The following RPS6KC1 variants were observed in gnomAD, a reference collection of about 807,000 sequenced individuals.
RPS6KC1 encodes ribosomal protein S6 kinase C1.
Under a neutral mutation model 103.8 loss-of-function variants are expected in RPS6KC1, and 54 were observed. That is an observed-to-expected ratio of 0.52 (90% CI 0.42 to 0.65). The LOEUF is 0.65. RPS6KC1 is among the 30% of genes least tolerant of loss of function. RPS6KC1 has a pLI of 0.00. For missense variants in RPS6KC1, 1,151 were observed against 1,253.8 expected (o/e 0.92, Z 1.24); for synonymous variants, 439 against 438.7 (o/e 1.00, Z -0.01).
At chr1:213,213,967 G>T (rs2093587608) in intron 8 of RPS6KC1, among the ~76,000 whole-genome samples, 1 of 152,226 alleles carries the variant, frequency 6.6e-6, no homozygotes, top group African/African-American at 2.4e-5. Flanking sequence ...GAAGACGAAT[G>T]ATTTCTGCAT....
the RPS6KC1 span, among the ~76,000 whole-genome samples, chr1:213,715,936 C>T: frequency 3.9e-5 from 6 of 151,970 alleles, no homozygotes; most frequent in South Asian, 2.1e-4. Context: ...AATATGCAAA[C>T]GTACATGAGA....
intron 6 of RPS6KC1, among the ~76,000 whole-genome samples, chr1:213,164,395 C>T (rs2090763558): frequency 6.6e-6 from 1 of 152,150 alleles, no homozygotes; most frequent in African/African-American, 2.4e-5. Flanking sequence ...ATCTACTCAG[C>T]TACTCCCTAT....
chr1:213,225,797 G>T (rs775843937), intron 8 of RPS6KC1, among the ~76,000 whole-genome samples: 1 of 152,182 alleles, frequency 6.6e-6, no homozygotes, highest in Non-Finnish European at 1.5e-5. Flanking sequence ...CAATTAAGGG[G>T]CTTTTAATAG....
chr1:213,727,012 C>T, the RPS6KC1 span, among the ~76,000 whole-genome samples: 79 of 152,318 alleles, frequency 5.2e-4, no homozygotes, highest in South Asian at 8.9e-3. Context: ...AGCCATGGGG[C>T]GGCTAAAGGG....
At chr1:213,435,199 T>C in the RPS6KC1 span, among the ~76,000 whole-genome samples, 6,728 of 152,312 alleles carry the variant, frequency 0.044, 164 homozygotes, top group African/African-American at 0.06. Context: ...ATCTCAGACA[T>C]TGTAGTTTTC....
the RPS6KC1 span, among the ~76,000 whole-genome samples, chr1:213,503,032 A>G: frequency 6.6e-6 from 1 of 151,808 alleles, no homozygotes; most frequent in Non-Finnish European, 1.5e-5. Flanking sequence ...TCCTTTTTGC[A>G]TATGCTCTAT....
At chr1:213,177,641 C>G (rs1222584358) in intron 8 of RPS6KC1, among the ~76,000 whole-genome samples, 1 of 151,922 alleles carries the variant, frequency 6.6e-6, no homozygotes, top group African/African-American at 2.4e-5. Flanking sequence ...TTTTAAGAGC[C>G]TGAAATATTT....
At chr1:213,469,922 G>A in the RPS6KC1 span, among the ~76,000 whole-genome samples, 1 of 152,102 alleles carries the variant, frequency 6.6e-6, no homozygotes, top group Non-Finnish European at 1.5e-5. Flanking sequence ...ACTCAGAAGG[G>A]TGAGGCAGGA....
At chr1:213,586,058 A>G in the RPS6KC1 span, among the ~76,000 whole-genome samples, 9 of 152,096 alleles carry the variant, frequency 5.9e-5, no homozygotes, top group African/African-American at 1.4e-4. Context: ...CAGGAGACCA[A>G]TCTTTCTTTG....
chr1:213,101,996 G>C (rs1215759726), intron 3 of RPS6KC1, among the ~76,000 whole-genome samples: 1 of 152,168 alleles, frequency 6.6e-6, no homozygotes, highest in Non-Finnish European at 1.5e-5. Context: ...GATAATATTA[G>C]TGATAGGTAA....
intron 2 of RPS6KC1, among the ~76,000 whole-genome samples, chr1:213,074,901 G>A (rs2079184013): frequency 1.6e-5 from 2 of 125,318 alleles, no homozygotes. Flanking sequence ...CACCCAGGCT[G>A]GAGTGCAGTG....
the RPS6KC1 span, among the ~76,000 whole-genome samples, chr1:213,426,383 T>C: frequency 3.9e-5 from 6 of 152,134 alleles, no homozygotes; most frequent in Non-Finnish European, 7.4e-5. Flanking sequence ...CCTCGGGGAC[T>C]GGGGTGGCAC....
intron 12 of RPS6KC1, among the ~76,000 whole-genome samples, chr1:213,243,072 T>C (rs2094391467): frequency 6.6e-6 from 1 of 152,124 alleles, no homozygotes. Flanking sequence ...TATGTCTCAC[T>C]GCAGCCTCCC....
the RPS6KC1 span, among the ~76,000 whole-genome samples, chr1:213,337,261 C>T: frequency 6.6e-6 from 1 of 152,222 alleles, no homozygotes; most frequent in Non-Finnish European, 1.5e-5. Flanking sequence ...TCTCACTCAG[C>T]CAGCCTGCAT....
At chr1:213,267,489 CAGTGA>C (rs1268544097) in intron 14 of RPS6KC1, among the ~76,000 whole-genome samples, 5 of 151,814 alleles carry the variant, frequency 3.3e-5, no homozygotes, top group Non-Finnish European at 7.4e-5. Flanking sequence ...GTCCTGTTTT[CAGTGA>C]AGTGTAGTGT....
At chr1:213,834,920 C>A in the RPS6KC1 span, among the ~76,000 whole-genome samples, 2 of 152,160 alleles carry the variant, frequency 1.3e-5, no homozygotes, top group African/African-American at 4.8e-5. Flanking sequence ...AAGACAAAGT[C>A]TCTCATTGAC....
At chr1:213,697,044 A>G in the RPS6KC1 span, among the ~76,000 whole-genome samples, 2 of 152,198 alleles carry the variant, frequency 1.3e-5, no homozygotes, top group African/African-American at 4.8e-5. Flanking sequence ...AGGTTTAATT[A>G]ATTTGCTAAA....
the RPS6KC1 span, among the ~76,000 whole-genome samples, chr1:213,410,894 T>A: frequency 6.6e-6 from 1 of 152,030 alleles, no homozygotes; most frequent in African/African-American, 2.4e-5. Flanking sequence ...GATTGACTTT[T>A]CAGACTGAAG....
At chr1:213,844,921 C>T in the RPS6KC1 span, among the ~76,000 whole-genome samples, 1 of 152,116 alleles carries the variant, frequency 6.6e-6, no homozygotes, top group Non-Finnish European at 1.5e-5. Context: ...AACACCTCAG[C>T]ATGTTAAAGC....
Sources: gnomAD v4.1 joint callset for allele counts (sites outside exome capture counted in the v4.1 genomes callset) on GRCh38, gnomAD v4.1.1 for gene constraint, MANE v1.5 for transcripts, NCBI Gene and HGNC (gene_info 2026-07-23, HGNC 2026-07-21) for gene names.